The following HIVEP3 variants were observed in gnomAD, a reference collection of about 807,000 sequenced individuals.
HIVEP3 encodes HIVEP zinc finger 3, also known as transcription factor HIVEP3.
Under a neutral mutation model 152.8 loss-of-function variants are expected in HIVEP3, and 49 were observed. The observed-to-expected ratio is 0.32, with a 90% CI of 0.26 to 0.41. The LOEUF (loss-of-function observed/expected upper bound fraction) is 0.41, where lower values mean the gene tolerates loss of function less well. Ranked by LOEUF, HIVEP3 falls within the 10% of genes least tolerant of loss-of-function variation. The probability of loss-of-function intolerance (pLI) is 1.00; values close to 1 mark genes in which losing one functional copy is unlikely to be tolerated. For missense variants in HIVEP3, 2,790 were observed against 3,103.3 expected (o/e 0.90, Z 2.40); for synonymous variants, 1,269 against 1,289.0 (o/e 0.98, Z 0.33).
chr1:41,862,717 G>A (rs1381679928), intron 1 of HIVEP3, among the ~76,000 whole-genome samples: 1 of 152,168 alleles, frequency 6.6e-6, no homozygotes. Flanking sequence ...GACAAAGACA[G>A]GCAGCTTGTT....
chr1:41,670,062 AGATGGGCAGAAGCCGTCAGTC>A (rs1645851142), intron 2 of HIVEP3, among the ~76,000 whole-genome samples: 3 of 152,172 alleles, frequency 2.0e-5, no homozygotes, highest in Admixed American at 1.3e-4. Flanking sequence ...GCCTCTTTGC[AGATGGGCAGAAGCCGTCAGTC>A]CTCTGTGGAC....
At chr1:42,033,322 TC>T (rs1326144328) in intron 1 of HIVEP3, among the ~76,000 whole-genome samples, 1 of 152,084 alleles carries the variant, frequency 6.6e-6, no homozygotes, top group African/African-American at 2.4e-5. Flanking sequence ...CTTTTAATTG[TC>T]TTTTTTTTTA....
chr1:41,622,538 C>T (rs569342603), intron 3 of HIVEP3, among the ~76,000 whole-genome samples: 2 of 152,294 alleles, frequency 1.3e-5, no homozygotes, highest in African/African-American at 4.8e-5. Context: ...AACACAACCA[C>T]GCCCATTTTT....
chr1:41,513,074 T>C lies in HIVEP3; in HGVS notation c.6147A>G (p.Ala2049=), dbSNP rs1350759474. ...CPLGRELAPR[A]HVLSKLEGTT... ...TACCCTCGAGTTTGGAGAGCACATG[T>C]GCTCGAGGGGCCAGTTCTCTTCCCA... Residue 2049 remains alanine (A), a synonymous_variant, in exon 8 of 9, where the codon GCA becomes GCG. Transcript: ENST00000372583. The C allele has an allele frequency of 6.2e-7, 1 of 1,613,780 alleles. No individual in the cohort carries two copies. Among genetic ancestry groups the C allele is most frequent in the African/African-American group, 1.3e-5 (1 of 74,922 alleles).
At chr1:41,884,355 C>T (rs115093034) in intron 1 of HIVEP3, among the ~76,000 whole-genome samples, 4 of 152,316 alleles carry the variant, frequency 2.6e-5, no homozygotes, top group African/African-American at 9.6e-5. Context: ...GTTTAGAGGT[C>T]CACTTCCCTG....
At chr1:41,971,907 C>A (rs1186556998) in intron 1 of HIVEP3, among the ~76,000 whole-genome samples, 4 of 152,174 alleles carry the variant, frequency 2.6e-5, no homozygotes, top group African/African-American at 9.7e-5. Context: ...GTCCCTTCTA[C>A]CATGTGAGGA....
Position 41,512,937 on chromosome 1 carries a change from C to T in HIVEP3, c.6284G>A (p.Gly2095Asp). 6.2e-7 allele frequency: 1 copy of T among 1,602,540 alleles called. No homozygotes were observed. The highest frequency in any genetic ancestry group is 1.7e-4 in the Middle Eastern group (1 of 5,790). Residue 2095 changes from glycine (G) to aspartate (D), a missense_variant, in exon 8 of 9, where the codon GGC (glycine) becomes GAC (aspartate). Around this residue, in one of 9 missense-constraint regions of HIVEP3, gnomAD observed 816 missense variants for 806.5 expected, o/e 1.01. Coordinates refer to ENST00000372583, the MANE Select transcript of HIVEP3 (RefSeq NM_024503.5). ...GCCATGCTCCCCCGCTGAGGGGCTG[C>T]CCGGCCCAGCCAAGGCCCACTTCCC... ...PPGKWALAGP[G>D]SPSAGEHGPG...
chr1:41,759,929 T>C (rs1647558456), intron 1 of HIVEP3, among the ~76,000 whole-genome samples: 1 of 152,128 alleles, frequency 6.6e-6, no homozygotes, highest in African/African-American at 2.4e-5. Flanking sequence ...TAGTAGGGGG[T>C]AAGGGCTCTA....
At chr1:42,011,183 A>G (rs997067375) in intron 1 of HIVEP3, among the ~76,000 whole-genome samples, 2 of 152,194 alleles carry the variant, frequency 1.3e-5, no homozygotes, top group African/African-American at 4.8e-5. Context: ...GAATGTACTT[A>G]GTCTGTCATC....
At chr1:42,017,938 T>C (rs763146698) in intron 1 of HIVEP3, among the ~76,000 whole-genome samples, 2 of 152,150 alleles carry the variant, frequency 1.3e-5, no homozygotes, top group Non-Finnish European at 2.9e-5. Flanking sequence ...CAACATTTGG[T>C]ATTGTCCGAC....
At chr1:41,699,861 T>C (rs149318395) in intron 2 of HIVEP3, among the ~76,000 whole-genome samples, 2,207 of 151,730 alleles carry the variant, frequency 0.015, 27 homozygotes, top group Non-Finnish European at 0.018. Flanking sequence ...GGGCTGACTG[T>C]CTCCCTTCCC....
intron 2 of HIVEP3, among the ~76,000 whole-genome samples, chr1:41,677,901 G>A (rs1487432738): frequency 6.6e-6 from 1 of 152,182 alleles, no homozygotes; most frequent in African/African-American, 2.4e-5. Flanking sequence ...CCCCTGCACA[G>A]TGTTGAAAAG....
chr1:41,983,042 A>T (rs1257882254), intron 1 of HIVEP3, among the ~76,000 whole-genome samples: 1 of 152,206 alleles, frequency 6.6e-6, no homozygotes, highest in Non-Finnish European at 1.5e-5. Flanking sequence ...AGGAGTGTGC[A>T]ACCTAGATCC....
At chr1:42,030,063 T>C (rs1310201085) in intron 1 of HIVEP3, among the ~76,000 whole-genome samples, 1 of 148,400 alleles carries the variant, frequency 6.7e-6, no homozygotes, top group Admixed American at 6.7e-5. Context: ...GACCCTGCCC[T>C]GTGCTTTCTG....
intron 7 of HIVEP3, among the ~76,000 whole-genome samples, chr1:41,517,120 G>A (rs1376173620): frequency 6.6e-6 from 1 of 152,214 alleles, no homozygotes; most frequent in Non-Finnish European, 1.5e-5. Flanking sequence ...GAGCATCCTC[G>A]TTTGCTCCAC....
Position 41,513,703 on chromosome 1 carries a change from C to T in HIVEP3, c.5518G>A (p.Glu1840Lys). The T allele has an allele frequency of 6.2e-7, 1 of 1,605,210 alleles. No homozygotes were observed. The highest frequency in any genetic ancestry group is 8.5e-7 in the Non-Finnish European group (1 of 1,176,236). ...GAAAACTGGTGCTCCTCCACAGCCT[C>T]TGAACCCTCTCGTCCTTCCGAGTCC... is the stretch of plus-strand genomic sequence containing the variant. ...FQDSEGREGS[E>K]AVEEHQFSDL... The change falls in exon 8 of 9, where the codon GAG (glutamate) becomes AAG (lysine). Residue 1840 changes from glutamate to lysine, a missense_variant. By Grantham distance (56) the Glu-to-Lys change is moderately conservative. Coordinates refer to ENST00000372583, the MANE Select transcript of HIVEP3 (RefSeq NM_024503.5).
intron 1 of HIVEP3, among the ~76,000 whole-genome samples, chr1:42,023,327 ATGT>A (rs1557565812): frequency 9.2e-5 from 14 of 152,278 alleles, no homozygotes; most frequent in Middle Eastern, 3.4e-3. Flanking sequence ...TTTTAAGTTA[ATGT>A]TTTTGGAATT....
intron 1 of HIVEP3, among the ~76,000 whole-genome samples, chr1:41,788,566 C>T (rs966181313): frequency 3.9e-5 from 6 of 152,196 alleles, no homozygotes; most frequent in East Asian, 3.9e-4. Flanking sequence ...ACTCTGGGAC[C>T]CGGGCAAGCC....
intron 1 of HIVEP3, among the ~76,000 whole-genome samples, chr1:42,021,691 G>C (rs1025558419): frequency 6.6e-6 from 1 of 152,088 alleles, no homozygotes. Context: ...AGAAGTCTAG[G>C]GCCTGAGACC....
Sources: allele counts gnomAD v4.1 joint callset (sites outside exome capture counted in the v4.1 genomes callset), GRCh38; gene constraint gnomAD v4.1.1; regional missense constraint gnomAD v4.1.1; transcripts MANE v1.5; gene names NCBI Gene and HGNC (gene_info 2026-07-23, HGNC 2026-07-21).